NEGR1: variants seen among roughly 807,000 people sequenced by gnomAD.
The protein encoded by NEGR1 is IgLON family member 4.
NEGR1 carries 10 observed loss-of-function variants against 40.9 expected under a neutral mutation model. That is an observed-to-expected ratio of 0.24 (90% CI 0.15 to 0.42). NEGR1 has a LOEUF of 0.42. Among genes scored for constraint, NEGR1 ranks in the 10% least tolerant of loss-of-function variants. NEGR1 has a pLI of 1.00. For synonymous variants in NEGR1, 185 were observed against 166.8 expected, an observed-to-expected ratio of 1.11 and a Z score of -0.84; for missense variants, 352 against 438.9, an observed-to-expected ratio of 0.80 and a Z score of 1.77.
At chr1:71,974,826 A>G (rs1418070943) in intron 1 of NEGR1, among the ~76,000 whole-genome samples, 1 of 152,178 alleles carries the variant, frequency 6.6e-6, no homozygotes, top group Non-Finnish European at 1.5e-5. Flanking sequence ...TGTATACCTT[A>G]ATCATGATGC....
At chr1:72,154,266 A>T (rs1651273148) in intron 1 of NEGR1, among the ~76,000 whole-genome samples, 1 of 151,894 alleles carries the variant, frequency 6.6e-6, no homozygotes, top group Admixed American at 6.6e-5. Flanking sequence ...AGATGTCAGG[A>T]ATGTATTTCA....
intron 5 of NEGR1, among the ~76,000 whole-genome samples, chr1:71,603,809 C>T (rs1217730199): frequency 6.6e-6 from 1 of 152,108 alleles, no homozygotes; most frequent in South Asian, 2.1e-4. Context: ...TGCATGAATA[C>T]ACTAGTTCAG....
intron 4 of NEGR1, among the ~76,000 whole-genome samples, chr1:71,685,043 T>C (rs1373905389): frequency 6.6e-6 from 1 of 152,214 alleles, no homozygotes; most frequent in Non-Finnish European, 1.5e-5. Context: ...TATCGGTATA[T>C]AATAAATACC....
chr1:71,807,063 T>A (rs1657803533), intron 2 of NEGR1, among the ~76,000 whole-genome samples: 3 of 151,776 alleles, frequency 2.0e-5, no homozygotes, highest in Non-Finnish European at 4.4e-5. Flanking sequence ...CGGCTAATTT[T>A]TTTTTTGTAT....
intron 6 of NEGR1, among the ~76,000 whole-genome samples, chr1:71,496,131 A>G (rs1481937658): frequency 1.3e-5 from 2 of 152,108 alleles, no homozygotes; most frequent in Non-Finnish European, 2.9e-5. Context: ...AAAGATGCCA[A>G]TAGTCAGTGT....
At chr1:71,698,557 T>C (rs1653566289) in intron 3 of NEGR1, among the ~76,000 whole-genome samples, 1 of 151,880 alleles carries the variant, frequency 6.6e-6, no homozygotes, top group Non-Finnish European at 1.5e-5. Context: ...GTTACTTTTC[T>C]TTTGGGGGAA....
At chr1:71,586,407 C>G (rs1649307603) in intron 6 of NEGR1, among the ~76,000 whole-genome samples, 1 of 152,138 alleles carries the variant, frequency 6.6e-6, no homozygotes, top group Non-Finnish European at 1.5e-5. Flanking sequence ...CAAACTAACT[C>G]CAGTTTTATC....
At position 71,888,003 on chromosome 1, in the gene NEGR1, AC is replaced by A. The variant is rs1660774970; in HGVS notation, c.409+47075del. Among the ~76,000 whole-genome samples, 5 of 142,126 alleles carry A rather than the reference AC, an allele frequency of 3.5e-5. No homozygotes were observed. The South Asian group carries it at 1.1e-3, about 31-fold the overall frequency. The allele number at this position is 142,126 out of a possible 152,430, so 93.2% of individuals were successfully genotyped here. ...CAAACTTTTGAAAGGACACACACAC[AC>A]ACACACACACACACACACACACACA... On this transcript the variant is annotated intron_variant, in intron 2 of 6. Coordinates refer to ENST00000357731, the MANE Select transcript of NEGR1 (RefSeq NM_173808.3).
chr1:72,126,160 G>A lies in NEGR1; in HGVS notation c.176+156159C>T, dbSNP rs778105741. On this transcript the variant is annotated intron_variant, in intron 1 of 6. Transcript: ENST00000357731. ...GAAAGACAGAGAAAGAGAGAGGAACGGAGAGAGGGAGAGAGAACGCATTTT... is the reference window on the plus strand; with the variant it reads ...GAAAGACAGAGAAAGAGAGAGGAACAGAGAGAGGGAGAGAGAACGCATTTT... 5.6e-4 allele frequency among the ~76,000 whole-genome samples: 79 copies of A among 139,966 alleles called. 1 individual carries two copies. Among genetic ancestry groups the A allele is most frequent in the Middle Eastern group, 3.8e-3 (1 of 260 alleles). The allele number at this position is 139,966 out of a possible 152,430, so 91.8% of individuals were successfully genotyped here.
At chr1:71,535,385 A>G (rs143885766) in intron 6 of NEGR1, among the ~76,000 whole-genome samples, 2 of 151,830 alleles carry the variant, frequency 1.3e-5, no homozygotes, top group African/African-American at 4.8e-5. Flanking sequence ...CCAATGAACC[A>G]AGCTCTTCTT....
chr1:72,150,717 G>T (rs1306168212), intron 1 of NEGR1, among the ~76,000 whole-genome samples: 1 of 152,012 alleles, frequency 6.6e-6, no homozygotes, highest in Non-Finnish European at 1.5e-5. Flanking sequence ...AAGATTTGCT[G>T]GTGAATTTTA....
intron 6 of NEGR1, among the ~76,000 whole-genome samples, chr1:71,565,161 A>G (rs1160863823): frequency 6.6e-6 from 1 of 152,138 alleles, no homozygotes; most frequent in Non-Finnish European, 1.5e-5. Context: ...GTAGGAAGCC[A>G]TGCTTCCCCA....
At chr1:71,707,445 CTG>C (rs766532028) in intron 3 of NEGR1, among the ~76,000 whole-genome samples, 47 of 152,204 alleles carry the variant, frequency 3.1e-4, no homozygotes, top group Non-Finnish European at 6.0e-4. Flanking sequence ...GTGGGAAGAA[CTG>C]TGTCTTTCAG....
At chr1:71,767,804 C>G (rs915188664) in intron 3 of NEGR1, among the ~76,000 whole-genome samples, 4 of 152,234 alleles carry the variant, frequency 2.6e-5, no homozygotes, top group African/African-American at 9.6e-5. Context: ...GGCCCAGGGC[C>G]GAGCTGCCTT....
intron 4 of NEGR1, among the ~76,000 whole-genome samples, chr1:71,684,035 C>T (rs1652933784): frequency 1.3e-5 from 2 of 152,042 alleles, no homozygotes; most frequent in Admixed American, 1.3e-4. Flanking sequence ...CTTTGGGATG[C>T]CCAGGCGGGC....
rs542367854 is a variant in NEGR1, at chr1:71,607,335, C to T, written c.788+3691G>A. 2.6e-5 allele frequency among the ~76,000 whole-genome samples: 4 copies of T among 152,334 alleles called. No homozygotes were observed. The East Asian group carries it at 5.8e-4, about 22-fold the overall frequency. Reference sequence around the variant, plus strand: ...TCTTATTTTGCAAATCCATAAACAACTTGAAATGCTTTTGCCCTTGGTATT... The same window carrying T: ...TCTTATTTTGCAAATCCATAAACAATTTGAAATGCTTTTGCCCTTGGTATT... On this transcript the variant is annotated intron_variant, in intron 5 of 6. Transcript: ENST00000357731.
intron 4 of NEGR1, among the ~76,000 whole-genome samples, chr1:71,615,200 C>T (rs1650408594): frequency 6.6e-6 from 1 of 151,992 alleles, no homozygotes; most frequent in African/African-American, 2.4e-5. Flanking sequence ...TTGGAAATAA[C>T]TTGTTCAAAA....
chr1:72,095,693 A>C (rs1033775940), intron 1 of NEGR1, among the ~76,000 whole-genome samples: 1 of 152,096 alleles, frequency 6.6e-6, no homozygotes, highest in African/African-American at 2.4e-5. Flanking sequence ...ATTTTATGTA[A>C]TTCTCTATTA....
intron 6 of NEGR1, among the ~76,000 whole-genome samples, chr1:71,452,331 C>T (rs1197488609): frequency 6.6e-6 from 1 of 152,094 alleles, no homozygotes; most frequent in Non-Finnish European, 1.5e-5. Flanking sequence ...TCACTTTTAA[C>T]AAGTTTTCTT....
Sources: gnomAD v4.1 joint callset for allele counts (sites outside exome capture counted in the v4.1 genomes callset) on GRCh38, gnomAD v4.1.1 for gene constraint, MANE v1.5 for transcripts, NCBI Gene and HGNC (gene_info 2026-07-23, HGNC 2026-07-21) for gene names.